The following CFHR4 variants were observed in gnomAD, a reference collection of about 807,000 sequenced individuals.
The protein encoded by CFHR4 is complement factor H-related protein 4.
Under a neutral mutation model 69.3 loss-of-function variants are expected in CFHR4, and 64 were observed. The ratio of observed to expected loss-of-function variants is 0.92; its 90% CI spans 0.76 to 1.14. The LOEUF (loss-of-function observed/expected upper bound fraction) is 1.14, where lower values mean the gene tolerates loss of function less well. CFHR4 is among the 50% of genes most tolerant of loss of function. The probability of loss-of-function intolerance (pLI) is 0.00; values close to 1 mark genes in which losing one functional copy is unlikely to be tolerated. For missense variants in CFHR4, 636 were observed against 684.9 expected (o/e 0.93, Z 0.80); for synonymous variants, 244 against 237.0 (o/e 1.03, Z -0.27).
Position 196,905,066 on chromosome 1 carries a change from T to C in CFHR4, c.257-42T>C, listed in dbSNP as rs1657836952. The C allele has an allele frequency of 2.0e-6, 3 of 1,485,214 alleles. No individual in the cohort carries two copies. In the East Asian group the frequency reaches 7.0e-5, roughly 35 times the overall value. 92.0% of individuals were successfully genotyped at this position (1,485,214 alleles called of 1,614,324 possible). On this transcript the variant is annotated intron_variant, in intron 2 of 9. Coordinates refer to ENST00000608469, the MANE Select transcript of CFHR4 (RefSeq NM_001201550.3). ...CTTGTTCCCTTCTATAAAAGAAGTA[T>C]TCAACAAATATTTACTTTTTTCTCT...
At position 196,902,538 on chromosome 1, in the gene CFHR4, T is replaced by G; in HGVS notation, c.179T>G (p.Phe60Cys). The G allele has an allele frequency of 6.2e-7, 1 of 1,612,184 alleles. No homozygotes were observed. Among genetic ancestry groups the G allele is most frequent in the Non-Finnish European group, 8.5e-7 (1 of 1,179,150 alleles). Reference sequence around the variant, plus strand: ...TATTCCTATTACTGTGATCAAAATTTTGTGACTCCTTCAGGAAGTTACTGG... The same window carrying G: ...TATTCCTATTACTGTGATCAAAATTGTGTGACTCCTTCAGGAAGTTACTGG... ...QSYSYYCDQN[F>C]VTPSGSYWDY... is the part of the protein sequence containing the mutation. The change falls in exon 2 of 10, where the codon TTT (phenylalanine) becomes TGT (cysteine). Residue 60 changes from phenylalanine (F) to cysteine (C), a missense_variant. By Grantham distance (205) the Phe-to-Cys change is radical (BLOSUM62 -2). Transcript: ENST00000608469.
At chr1:196,905,347 G>A in intron 3 of CFHR4, 57 bp downstream of exon 3, 1 of 1,592,564 alleles carries the variant, frequency 6.3e-7, no homozygotes, top group Non-Finnish European at 8.5e-7. Context: ...TCTCTTTGAG[G>A]TGATAGTGTT....
chr1:196,916,181 A>G (rs1658613509), intron 9 of CFHR4, among the ~76,000 whole-genome samples: 1 of 151,486 alleles, frequency 6.6e-6, no homozygotes, highest in African/African-American at 2.4e-5. Context: ...AAGTACTATG[A>G]ACTTGAAGCA....
At chr1:196,906,501 C>T (rs1473680120) in intron 3 of CFHR4, among the ~76,000 whole-genome samples, 8 of 151,336 alleles carry the variant, frequency 5.3e-5, no homozygotes, top group Non-Finnish European at 8.8e-5. Context: ...TAAATATGTA[C>T]ATTAACTTTT....
intron 1 of CFHR4, among the ~76,000 whole-genome samples, chr1:196,897,192 C>A (rs1169173562): frequency 2.0e-5 from 3 of 151,502 alleles, no homozygotes; most frequent in Non-Finnish European, 4.4e-5. Flanking sequence ...GCAGGACGTG[C>A]GAGAGGGGTG....
At chr1:196,911,885 G>A (rs1354905520) in intron 6 of CFHR4, among the ~76,000 whole-genome samples, 1 of 151,402 alleles carries the variant, frequency 6.6e-6, no homozygotes, top group Non-Finnish European at 1.5e-5. Flanking sequence ...AGATTAATAG[G>A]AAAGTAGGCA....
chr1:196,918,347 G>A lies in CFHR4; in HGVS notation c.1678G>A (p.Val560Ile), dbSNP rs12757822. The change falls in exon 10 of 10, where the codon GTT becomes ATT. Residue 560 changes from valine (V) to isoleucine (I), a missense_variant. Physicochemically the swap from Val to Ile is conservative, Grantham distance 29. Transcript: ENST00000608469. ...CKLGYNANTS[V>I]LSFQAVCREG... ...ATTGGGATATAATGCGAATACATCA[G>A]TTCTATCATTTCAAGCAGTGTGTAG... The A allele has an allele frequency of 1.9e-6, 3 of 1,612,012 alleles. No homozygotes were observed. The highest frequency in any genetic ancestry group is 2.7e-5 in the African/African-American group (2 of 74,352).
Position 196,909,059 on chromosome 1 carries a change from A to C in CFHR4, c.800-1222A>C, listed in dbSNP as rs1316697460. On this transcript the variant is annotated intron_variant, in intron 5 of 9. Coordinates refer to ENST00000608469, the MANE Select transcript of CFHR4 (RefSeq NM_001201550.3). ...AGAGGAAAATTCGTATCCTCAAATC[A>C]AAATAGTTTACAAGTATCTTTGAAC... is the stretch of plus-strand genomic sequence containing the variant. Among the ~76,000 whole-genome samples, 3 of 151,668 alleles carry C rather than the reference A, an allele frequency of 2.0e-5. No homozygotes were observed. In the South Asian group the frequency reaches 6.2e-4, roughly 31 times the overall value.
At chr1:196,906,548 T>C (rs1180732200) in intron 3 of CFHR4, among the ~76,000 whole-genome samples, 1 of 151,528 alleles carries the variant, frequency 6.6e-6, no homozygotes, top group East Asian at 1.9e-4. Context: ...AAATAATACA[T>C]TATAGTGATA....
chr1:196,914,883 A>G (rs906190375), intron 8 of CFHR4, 73 bp from the exon 9 acceptor site: 46 of 1,544,634 alleles, frequency 3.0e-5, no homozygotes, highest in Admixed American at 2.7e-4. Context: ...TTAAGAGTAT[A>G]TAAAAAGCTT....
intron 5 of CFHR4, among the ~76,000 whole-genome samples, chr1:196,908,256 A>G (rs184416606): frequency 7.9e-5 from 12 of 151,422 alleles, no homozygotes; most frequent in Admixed American, 4.6e-4. Flanking sequence ...ATGTATTCCT[A>G]TGTAAAAAAA....
At chr1:196,911,723 A>G (rs1172757305) in intron 6 of CFHR4, among the ~76,000 whole-genome samples, 2 of 151,574 alleles carry the variant, frequency 1.3e-5, no homozygotes, top group Admixed American at 1.3e-4. Context: ...GGCCTAAGCC[A>G]CTGAAAGAAA....
At chr1:196,906,698 T>A (rs992820705) in intron 3 of CFHR4, among the ~76,000 whole-genome samples, 163 bp from the exon 4 acceptor site, 1 of 151,484 alleles carries the variant, frequency 6.6e-6, no homozygotes, top group East Asian at 1.9e-4. Context: ...TGTAATTAAC[T>A]GTTATAGCAC....
In CFHR4 at chr1:196,905,106, A is replaced by C. The variant is rs778825772; in HGVS notation, c.257-2A>C. The C allele has an allele frequency of 6.3e-7, 1 of 1,590,084 alleles. No individual in the cohort carries two copies. The highest frequency in any genetic ancestry group is 8.6e-7 in the Non-Finnish European group (1 of 1,168,876). The stretch of plus-strand genomic sequence containing the variant: ...CTTTTTTCTCTACTTTTTCTATTTT[A>C]GGAACATGCTCAAAATCAGATGTAG... On this transcript the variant is annotated splice_acceptor_variant, in intron 2 of 9. Transcript: ENST00000608469. LOFTEE classifies it high-confidence loss of function.
chr1:196,915,009 T>A lies in CFHR4; in HGVS notation c.1411T>A (p.Ser471Thr). 6.2e-7 allele frequency: 1 copy of A among 1,612,980 alleles called. No individual in the cohort carries two copies. The change falls in exon 9 of 10, where the codon TCC becomes ACC. Residue 471 changes from serine (S) to threonine (T), a missense_variant. This residue lies in a region of CFHR4 where 22 missense variants were observed against 72.8 expected (regional missense o/e 0.30). Coordinates refer to ENST00000608469, the MANE Select transcript of CFHR4 (RefSeq NM_001201550.3). ...ACCTATTAGCAATGGTGATACCACC[T>A]CCTTTCTACTAAAAGTGTATGTGCC... ...PPPISNGDTTSFLLKVYVPQS... is the reference protein window; with the variant it reads ...PPPISNGDTTTFLLKVYVPQS...
intron 1 of CFHR4, among the ~76,000 whole-genome samples, chr1:196,894,631 C>T (rs989026382): frequency 1.3e-5 from 2 of 151,304 alleles, no homozygotes; most frequent in Non-Finnish European, 2.9e-5. Context: ...ACATATTGGC[C>T]CAATGCCTCT....
In CFHR4 at chr1:196,901,422, C is replaced by T. The variant is rs1032025158; in HGVS notation, c.59-996C>T. ...GACTGTAGAAACTGCCTGAAAATCT[C>T]GCTAATGAAAAAATAAGAAAGAAAG... On this transcript the variant is annotated intron_variant, in intron 1 of 9. Coordinates refer to ENST00000608469, the MANE Select transcript of CFHR4 (RefSeq NM_001201550.3). 1.8e-4 allele frequency among the ~76,000 whole-genome samples: 27 copies of T among 151,298 alleles called. 1 individual carries two copies. The highest frequency in any genetic ancestry group is 6.3e-4 in the African/African-American group (26 of 41,108).
rs141854278 is a variant in CFHR4, at chr1:196,913,581, A to T, written c.1180+659A>T. On this transcript the variant is annotated intron_variant, in intron 7 of 9. Transcript: ENST00000608469. The stretch of plus-strand genomic sequence containing the variant: ...CTTATTATGATAAAGAGATTGCATA[A>T]TGAACAAAGGAAATCTTTCAGTGGC... Among the ~76,000 whole-genome samples, 43 of 151,628 alleles carry T rather than the reference A, an allele frequency of 2.8e-4. 4 individuals carry two copies. Among genetic ancestry groups the T allele is most frequent in the African/African-American group, 1.0e-3 (43 of 41,180 alleles).
In CFHR4 at chr1:196,888,880, T is replaced by A. The variant is rs552276351; in HGVS notation, c.58+672T>A. 1.3e-5 allele frequency among the ~76,000 whole-genome samples: 2 copies of A among 151,454 alleles called. 1 individual carries two copies. The highest frequency in any genetic ancestry group is 2.9e-5 in the Non-Finnish European group (2 of 67,884). On this transcript the variant is annotated intron_variant, in intron 1 of 9. Coordinates refer to ENST00000608469, the MANE Select transcript of CFHR4 (RefSeq NM_001201550.3). ...TCAATAAATAAATACATAAATAATTTTCATAGCTTTATGTCATTGTTCTCT... is the reference window on the plus strand; with the variant it reads ...TCAATAAATAAATACATAAATAATTATCATAGCTTTATGTCATTGTTCTCT...
Sources: gnomAD v4.1 joint callset for allele counts (sites outside exome capture counted in the v4.1 genomes callset) on GRCh38, gnomAD v4.1.1 for gene constraint, gnomAD v4.1.1 regional missense constraint, MANE v1.5 for transcripts, NCBI Gene and HGNC (gene_info 2026-07-23, HGNC 2026-07-21) for gene names.